The following ELMO1 variants were observed in gnomAD, a reference collection of about 807,000 sequenced individuals.
ELMO1 encodes engulfment and cell motility protein 1.
In ELMO1, 26 loss-of-function variants were observed where a neutral mutation model predicts 98.9. The observed-to-expected ratio is 0.26, with a 90% confidence interval of 0.19 to 0.36. ELMO1 has a LOEUF of 0.36. ELMO1 is among the 10% of genes least tolerant of loss of function. The probability of loss-of-function intolerance (pLI) is 1.00; values close to 1 mark genes in which losing one functional copy is unlikely to be tolerated. For missense variants in ELMO1, 627 were observed against 935.2 expected (o/e 0.67, Z 4.30); for synonymous variants, 346 against 346.0 (o/e 1.00, Z 0.00).
At chr7:36,862,039 G>A (rs1018563397) in intron 20 of ELMO1, 10 of 349,320 alleles carry the variant, frequency 2.9e-5, no homozygotes, top group East Asian at 9.4e-5. Flanking sequence ...TGACAGCACC[G>A]CCTGCCTCCT....
chr7:36,990,975 C>T (rs542804370), intron 16 of ELMO1, among the ~76,000 whole-genome samples: 1 of 152,130 alleles, frequency 6.6e-6, no homozygotes, highest in African/African-American at 2.4e-5. Context: ...CACTTATACC[C>T]ATTCCTTTCA....
chr7:37,104,309 GAAAAA>G (rs1054525903), intron 14 of ELMO1, among the ~76,000 whole-genome samples: 2 of 138,570 alleles, frequency 1.4e-5, no homozygotes, highest in Non-Finnish European at 3.2e-5. Flanking sequence ...TTCTCAGAAT[GAAAAA>G]AAAAAAAGAA....
intron 16 of ELMO1, among the ~76,000 whole-genome samples, chr7:36,995,506 C>CAAA (rs370173470): frequency 8.3e-6 from 1 of 120,700 alleles, no homozygotes; most frequent in African/African-American, 3.0e-5. Context: ...GACTCTGTCT[C>CAAA]AAAAAAAAAA....
intron 15 of ELMO1, among the ~76,000 whole-genome samples, chr7:37,057,247 T>C (rs1796433969): frequency 6.6e-6 from 1 of 152,056 alleles, no homozygotes; most frequent in African/African-American, 2.4e-5. Flanking sequence ...TTAAAATCAA[T>C]GATATTGTGG....
intron 16 of ELMO1, among the ~76,000 whole-genome samples, chr7:36,998,666 G>C (rs1020420993): frequency 6.6e-6 from 1 of 152,132 alleles, no homozygotes; most frequent in Non-Finnish European, 1.5e-5. Context: ...TGGCAAACAA[G>C]ATTGAGATTT....
intron 16 of ELMO1, among the ~76,000 whole-genome samples, chr7:36,919,651 T>C (rs73689699): frequency 0.037 from 5,642 of 152,252 alleles, 146 homozygotes; most frequent in Admixed American, 0.083. Context: ...AGTGTGTTGC[T>C]GCACACTCAG....
intron 6 of ELMO1, among the ~76,000 whole-genome samples, chr7:37,258,469 T>G (rs976582330): frequency 2.0e-5 from 3 of 150,018 alleles, no homozygotes; most frequent in South Asian, 2.1e-4. Context: ...GAGAGAGAGA[T>G]AATGGGTCCG....
chr7:37,127,795 T>C (rs539053674), intron 14 of ELMO1, among the ~76,000 whole-genome samples: 6 of 152,330 alleles, frequency 3.9e-5, no homozygotes, highest in African/African-American at 1.2e-4. Context: ...GCTTTGTGGT[T>C]GAATCTTGGC....
chr7:37,447,779 C>T (rs1464167381), intron 1 of ELMO1, among the ~76,000 whole-genome samples: 2 of 151,598 alleles, frequency 1.3e-5, no homozygotes, highest in African/African-American at 4.9e-5. Flanking sequence ...CGGCACAGCA[C>T]CGACTTCCCA....
intron 15 of ELMO1, among the ~76,000 whole-genome samples, chr7:37,093,059 C>A (rs1049890307): frequency 5.3e-4 from 80 of 152,144 alleles, no homozygotes; most frequent in African/African-American, 1.9e-3. Context: ...CAGCCTTCAA[C>A]TGAATAACCT....
intron 5 of ELMO1, among the ~76,000 whole-genome samples, chr7:37,260,190 G>T (rs1004400236): frequency 2.0e-5 from 3 of 152,138 alleles, no homozygotes; most frequent in Non-Finnish European, 4.4e-5. Context: ...CTGTGTTTTT[G>T]CTTAATACAG....
At chr7:36,982,768 C>G (rs148906778) in intron 16 of ELMO1, among the ~76,000 whole-genome samples, 2 of 152,202 alleles carry the variant, frequency 1.3e-5, no homozygotes, top group African/African-American at 4.8e-5. Flanking sequence ...AGCAGCCTAA[C>G]CCCTTCTTTC....
chr7:37,379,058 T>G (rs148488062), intron 1 of ELMO1, among the ~76,000 whole-genome samples: 2,459 of 149,176 alleles, frequency 0.016, 60 homozygotes, highest in African/African-American at 0.058. Flanking sequence ...TTTTTTTTTT[T>G]AGACGGAGTC....
At chr7:37,107,303 G>T (rs1361001204) in intron 14 of ELMO1, among the ~76,000 whole-genome samples, 1 of 152,200 alleles carries the variant, frequency 6.6e-6, no homozygotes, top group Non-Finnish European at 1.5e-5. Context: ...TGCAGTGAAG[G>T]TGCACATGAG....
At chr7:37,213,212 T>C in intron 12 of ELMO1, 123 bp downstream of exon 12, 1 of 1,302,714 alleles carries the variant, frequency 7.7e-7, no homozygotes, top group East Asian at 2.4e-5. Context: ...AGTTCTGAGA[T>C]GATAATAAAA....
rs142936801 is a variant in ELMO1, at chr7:37,284,142, G to A, written c.193-12260C>T. ...GGTATCTGGGAGAAGCAGAGGACTG[G>A]GAGGAAGGAAGCCCTGGTTGGCCCT... is the stretch of plus-strand genomic sequence containing the variant. On this transcript the variant is annotated intron_variant, in intron 4 of 21. Transcript: ENST00000310758. Among the ~76,000 whole-genome samples the A allele has an allele frequency of 1.4e-3, 212 of 152,202 alleles. 1 individual carries two copies. The highest frequency in any genetic ancestry group is 4.6e-3 in the African/African-American group (191 of 41,538).
At position 36,877,948 on chromosome 7, in the gene ELMO1, A is replaced by G. The variant is rs972643245; in HGVS notation, c.1822+62T>C. 2.3e-5 allele frequency: 29 copies of G among 1,272,822 alleles called. 2 individuals are homozygous for G. In the Admixed American group the frequency reaches 4.5e-4, roughly 20 times the overall value. 78.8% of individuals were successfully genotyped at this position (1,272,822 alleles called of 1,614,324 possible). ...GGCTGATAGTTCTGTTGCGTGATAT[A>G]TTGTGACTAGGAAACAACCAACCGA... is the stretch of plus-strand genomic sequence containing the variant. On this transcript the variant is annotated intron_variant, in intron 19 of 21. Coordinates refer to ENST00000310758, the MANE Select transcript of ELMO1 (RefSeq NM_014800.11).
chr7:37,225,003 T>C lies in ELMO1; in HGVS notation c.577A>G (p.Ile193Val), dbSNP rs754937014. 48 of 1,614,130 alleles carry C rather than the reference T, an allele frequency of 3.0e-5. No homozygotes were observed. The East Asian group carries it at 5.6e-4, about 19-fold the overall frequency. ...KIASFVNKSAIDISILQRSLA... is the reference protein window; with the variant it reads ...KIASFVNKSAVDISILQRSLA... ...GACCGCTGCAGGATCGAGATGTCTA[T>C]GGCTGACTTGTTCACAAAACTTGCT... The change falls in exon 9 of 22, where the codon ATA (isoleucine) becomes GTA (valine). Residue 193 changes from isoleucine to valine, a missense_variant. Transcript: ENST00000310758.
intron 1 of ELMO1, among the ~76,000 whole-genome samples, chr7:37,439,022 C>T (rs1009336531): frequency 3.3e-5 from 5 of 152,240 alleles, no homozygotes; most frequent in Non-Finnish European, 7.3e-5. Flanking sequence ...AAGGCGGGGG[C>T]TGGACAACCT....
Sources: gnomAD v4.1 joint callset for allele counts (sites outside exome capture counted in the v4.1 genomes callset) on GRCh38, gnomAD v4.1.1 for gene constraint, MANE v1.5 for transcripts, NCBI Gene and HGNC (gene_info 2026-07-23, HGNC 2026-07-21) for gene names.